The following TRPM3 variants were observed in gnomAD, a reference collection of about 807,000 sequenced individuals.
The protein encoded by TRPM3 is transient receptor potential cation channel subfamily M member 3, also known as long transient receptor potential channel 3.
A neutral mutation model predicts 181.2 loss-of-function variants in TRPM3; 77 were observed. That is an observed-to-expected ratio of 0.42 (90% CI 0.35 to 0.51). The LOEUF is 0.51. Among genes scored for constraint, TRPM3 ranks in the 20% least tolerant of loss-of-function variants. The pLI, the probability that TRPM3 is intolerant of heterozygous loss-of-function variation, is 0.01. For missense variants in TRPM3, 1,759 were observed against 2,196.7 expected (o/e 0.80, Z 3.98); for synonymous variants, 745 against 796.4 (o/e 0.94, Z 1.09).
intron 1 of TRPM3, among the ~76,000 whole-genome samples, chr9:70,985,356 A>AT (rs1396735388): frequency 6.6e-6 from 1 of 152,144 alleles, no homozygotes; most frequent in African/African-American, 2.4e-5. Flanking sequence ...AAGATATGCC[A>AT]TACAGATCTA....
intron 3 of TRPM3, among the ~76,000 whole-genome samples, chr9:70,847,256 A>G (rs75418001): frequency 0.018 from 2,718 of 152,286 alleles, 96 homozygotes; most frequent in African/African-American, 0.062. Context: ...TATATAAATG[A>G]AATACTATAA....
intron 9 of TRPM3, among the ~76,000 whole-genome samples, chr9:70,672,170 A>G (rs1331030675): frequency 1.3e-5 from 2 of 152,296 alleles, no homozygotes; most frequent in East Asian, 3.9e-4. Flanking sequence ...ACATGAATAC[A>G]GCTAACCCCA....
intron 1 of TRPM3, among the ~76,000 whole-genome samples, chr9:70,881,794 A>G (rs1327436459): frequency 1.3e-5 from 2 of 152,058 alleles, no homozygotes; most frequent in African/African-American, 2.4e-5. Context: ...GTTTTCCCCC[A>G]TTGCTCTCAA....
chr9:70,818,169 A>G (rs2092865760), intron 6 of TRPM3, among the ~76,000 whole-genome samples: 1 of 152,212 alleles, frequency 6.6e-6, no homozygotes, highest in South Asian at 2.1e-4. Flanking sequence ...TAACACATAT[A>G]GGGTTTTTAC....
intron 8 of TRPM3, among the ~76,000 whole-genome samples, chr9:70,696,082 G>A (rs931414500): frequency 6.6e-6 from 1 of 152,208 alleles, no homozygotes; most frequent in African/African-American, 2.4e-5. Flanking sequence ...TGGACAATCA[G>A]CTTGAAGAAG....
intron 3 of TRPM3, among the ~76,000 whole-genome samples, chr9:70,854,964 G>A (rs1168059355): frequency 2.0e-5 from 3 of 152,188 alleles, no homozygotes; most frequent in African/African-American, 7.2e-5. Context: ...GACATTCTGT[G>A]AGACTATAAA....
intron 1 of TRPM3, among the ~76,000 whole-genome samples, chr9:70,925,125 C>A (rs897790634): frequency 2.6e-5 from 4 of 152,140 alleles, no homozygotes; most frequent in Admixed American, 2.0e-4. Context: ...CCCTACCTGC[C>A]CCTTTCCAGC....
At position 70,535,449 on chromosome 9, in the gene TRPM3, G is replaced by A. The variant is rs1242663664; in HGVS notation, c.*504C>T. The A allele has an allele frequency of 1.7e-5, 26 of 1,550,446 alleles. No homozygotes were observed. The highest frequency in any genetic ancestry group is 2.1e-5 in the Non-Finnish European group (24 of 1,147,008). On this transcript the variant is annotated 3_prime_UTR_variant, in exon 26 of 26. Transcript: ENST00000677713. ...CCGGCTTATACTGAATAAAGAGGAT[G>A]CTCTTCATCAGTCACCAGTGATGGA...
At chr9:70,635,382 G>T in intron 11 of TRPM3, 121 bp from the exon 12 acceptor site, 2 of 685,878 alleles carry the variant, frequency 2.9e-6, no homozygotes, top group South Asian at 1.8e-5. Context: ...GATGGACCTT[G>T]TTCTAGTTGC....
At chr9:71,001,664 C>A (rs2097604090) in intron 1 of TRPM3, among the ~76,000 whole-genome samples, 1 of 152,284 alleles carries the variant, frequency 6.6e-6, no homozygotes, top group Non-Finnish European at 1.5e-5. Flanking sequence ...GAAAAATGAG[C>A]CTTTCTGATG....
At chr9:70,584,049 CT>C (rs543990639) in intron 22 of TRPM3, among the ~76,000 whole-genome samples, 10 of 151,704 alleles carry the variant, frequency 6.6e-5, no homozygotes, top group African/African-American at 2.2e-4. Context: ...TTTCTTGTAC[CT>C]TTTTTTTGAG....
intron 1 of TRPM3, among the ~76,000 whole-genome samples, chr9:71,149,258 CT>C: frequency 6.6e-6 from 1 of 152,066 alleles, no homozygotes; most frequent in South Asian, 2.1e-4. Context: ...TAAAAACTTG[CT>C]GGATATGGTG....
chr9:71,069,007 C>T (rs932057617), intron 1 of TRPM3, among the ~76,000 whole-genome samples: 1 of 152,158 alleles, frequency 6.6e-6, no homozygotes, highest in African/African-American at 2.4e-5. Flanking sequence ...AATAATATGC[C>T]TATCTTTCAG....
intron 1 of TRPM3, among the ~76,000 whole-genome samples, chr9:71,353,638 T>C (rs2091765241): frequency 6.6e-6 from 1 of 152,214 alleles, no homozygotes; most frequent in African/African-American, 2.4e-5. Context: ...GTCTGTCAAT[T>C]GGAATGTGTT....
chr9:70,809,005 A>T (rs1468035948), intron 6 of TRPM3, among the ~76,000 whole-genome samples: 1 of 152,228 alleles, frequency 6.6e-6, no homozygotes, highest in Non-Finnish European at 1.5e-5. Context: ...ACCTAGTGAC[A>T]TCTTGATGAT....
intron 9 of TRPM3, among the ~76,000 whole-genome samples, chr9:70,663,709 G>C (rs1312717716): frequency 6.6e-6 from 1 of 152,138 alleles, no homozygotes; most frequent in African/African-American, 2.4e-5. Flanking sequence ...CAGGGATTAG[G>C]TAATTTATCT....
At chr9:71,339,600 A>G (rs1225950617) in intron 1 of TRPM3, among the ~76,000 whole-genome samples, 1 of 152,174 alleles carries the variant, frequency 6.6e-6, no homozygotes, top group Non-Finnish European at 1.5e-5. Flanking sequence ...TCATGTTGGC[A>G]TAATTATCAT....
At chr9:71,078,788 T>G (rs2063810632) in intron 1 of TRPM3, among the ~76,000 whole-genome samples, 1 of 152,164 alleles carries the variant, frequency 6.6e-6, no homozygotes. Flanking sequence ...TTTAGCTAAA[T>G]ATTTTCCAAT....
chr9:71,079,948 A>T (rs1053385898), intron 1 of TRPM3, among the ~76,000 whole-genome samples: 1 of 152,116 alleles, frequency 6.6e-6, no homozygotes, highest in African/African-American at 2.4e-5. Flanking sequence ...AGGCGGGCAG[A>T]TCACCTGAGG....
Sources: allele counts gnomAD v4.1 joint callset (sites outside exome capture counted in the v4.1 genomes callset), GRCh38; gene constraint gnomAD v4.1.1; transcripts MANE v1.5; gene names NCBI Gene and HGNC (gene_info 2026-07-23, HGNC 2026-07-21).